Variants in ASTN2 observed in about 807,000 individuals in gnomAD.
The protein encoded by ASTN2 is astrotactin-2.
In ASTN2, 54 loss-of-function variants were observed where a neutral mutation model predicts 139.8. The observed-to-expected ratio is 0.39, with a 90% CI of 0.31 to 0.48. The LOEUF is 0.48. Ranked by LOEUF, ASTN2 falls within the 20% of genes least tolerant of loss-of-function variation. The pLI is 0.95. For synonymous variants in ASTN2, 756 were observed against 719.5 expected, an observed-to-expected ratio of 1.05 and a Z score of -0.81; for missense variants, 1,565 against 1,725.1, an observed-to-expected ratio of 0.91 and a Z score of 1.64.
intron 11 of ASTN2, among the ~76,000 whole-genome samples, chr9:116,844,675 T>C (rs976610801): frequency 1.4e-4 from 21 of 152,212 alleles, no homozygotes; most frequent in Admixed American, 1.2e-3. Flanking sequence ...ATCCTGATTG[T>C]TATAAAAGTT....
At chr9:117,268,527 G>A (rs535063875) in intron 2 of ASTN2, among the ~76,000 whole-genome samples, 8 of 152,268 alleles carry the variant, frequency 5.3e-5, no homozygotes, top group African/African-American at 1.9e-4. Context: ...TAAGGTCTGT[G>A]CTTCTGATAC....
chr9:116,493,121 C>T (rs1388949295), intron 19 of ASTN2, among the ~76,000 whole-genome samples: 2 of 152,092 alleles, frequency 1.3e-5, no homozygotes, highest in Non-Finnish European at 2.9e-5. Context: ...GAATGCTACA[C>T]CTTAATTCAA....
intron 2 of ASTN2, among the ~76,000 whole-genome samples, chr9:117,218,969 A>T (rs953026797): frequency 6.6e-6 from 1 of 152,186 alleles, no homozygotes; most frequent in African/African-American, 2.4e-5. Flanking sequence ...CACATGGTAA[A>T]CCAGTGATAG....
intron 11 of ASTN2, 102 bp downstream of exon 11, chr9:116,863,481 G>C: frequency 1.4e-6 from 2 of 1,468,214 alleles, no homozygotes; most frequent in Non-Finnish European, 1.8e-6. Flanking sequence ...GGGTAGTGTG[G>C]ATATGATCCT....
chr9:116,661,517 CT>C (rs1408397381), intron 16 of ASTN2, among the ~76,000 whole-genome samples: 1 of 151,966 alleles, frequency 6.6e-6, no homozygotes, highest in African/African-American at 2.4e-5. Flanking sequence ...CCTTGTGGTA[CT>C]CAAGTGTAGA....
At chr9:116,517,396 T>C (rs998715864) in intron 19 of ASTN2, among the ~76,000 whole-genome samples, 2 of 152,084 alleles carry the variant, frequency 1.3e-5, no homozygotes, top group Admixed American at 1.3e-4. Context: ...GCTAGACTCA[T>C]AAGAGCAAAA....
intron 20 of ASTN2, among the ~76,000 whole-genome samples, chr9:116,473,616 G>A (rs902063384): frequency 6.6e-6 from 1 of 152,196 alleles, no homozygotes; most frequent in Non-Finnish European, 1.5e-5. Flanking sequence ...ACCTATTCAA[G>A]GCCAGGTGTG....
At chr9:116,440,257 G>C (rs1588059926) in intron 22 of ASTN2, among the ~76,000 whole-genome samples, 1 of 152,094 alleles carries the variant, frequency 6.6e-6, no homozygotes, top group South Asian at 2.1e-4. Flanking sequence ...CTGGATTATG[G>C]GTCATGGCCC....
chr9:116,477,229 C>G (rs1849009806), intron 20 of ASTN2, among the ~76,000 whole-genome samples: 1 of 152,152 alleles, frequency 6.6e-6, no homozygotes, highest in Non-Finnish European at 1.5e-5. Context: ...CTCTACGAGT[C>G]TCTCTTGGCT....
At chr9:116,526,677 T>C (rs1394075731) in intron 19 of ASTN2, among the ~76,000 whole-genome samples, 1 of 151,308 alleles carries the variant, frequency 6.6e-6, no homozygotes, top group African/African-American at 2.4e-5. Context: ...TCAGAAATAC[T>C]GCGAAAGTAA....
At position 116,729,036 on chromosome 9, in the gene ASTN2, C is replaced by T; in HGVS notation, c.2582G>A (p.Ser861Asn). The T allele has an allele frequency of 6.3e-7, 1 of 1,579,470 alleles. No homozygotes were observed. Among genetic ancestry groups the T allele is most frequent in the Non-Finnish European group, 8.6e-7 (1 of 1,161,522 alleles). ...GCTGAGCTTCACACGGTAGAGGTTG[C>T]TCCGGACCCGCCACTGCTGCACCAT... ...YPMVQQWRVR[S>N]NLYRVKLSTI... The change falls in exon 15 of 23, where the codon AGC (serine) becomes AAC (asparagine). Residue 861 changes from serine (S) to asparagine (N), a missense_variant. Ser to Asn is a conservative substitution (Grantham distance 46, BLOSUM62 1). This residue lies in a region of ASTN2 where 503 missense variants were observed against 591.7 expected (regional missense o/e 0.85). Coordinates refer to ENST00000313400, the MANE Select transcript of ASTN2 (RefSeq NM_001365068.1).
At chr9:116,816,595 G>T (rs1246553371) in intron 12 of ASTN2, among the ~76,000 whole-genome samples, 1 of 152,118 alleles carries the variant, frequency 6.6e-6, no homozygotes, top group Admixed American at 6.5e-5. Context: ...GCCAAGCAGT[G>T]GGAATGGCAA....
intron 3 of ASTN2, among the ~76,000 whole-genome samples, chr9:117,200,806 T>C (rs1831684916): frequency 6.6e-6 from 1 of 152,172 alleles, no homozygotes; most frequent in South Asian, 2.1e-4. Flanking sequence ...TCATCAGGGA[T>C]ATTGGCCTGA....
chr9:117,276,587 T>C (rs1834195256), intron 2 of ASTN2, among the ~76,000 whole-genome samples: 2 of 152,034 alleles, frequency 1.3e-5, no homozygotes, highest in African/African-American at 4.8e-5. Flanking sequence ...TCAGGACACA[T>C]AAGGACTGTA....
At chr9:116,817,581 A>G (rs922779891) in intron 12 of ASTN2, among the ~76,000 whole-genome samples, 2 of 152,178 alleles carry the variant, frequency 1.3e-5, no homozygotes, top group African/African-American at 4.8e-5. Context: ...ATGAAACTGG[A>G]AAAGTCAGAC....
intron 5 of ASTN2, among the ~76,000 whole-genome samples, chr9:117,065,449 G>A (rs1306271217): frequency 6.6e-6 from 1 of 152,040 alleles, no homozygotes; most frequent in African/African-American, 2.4e-5. Context: ...CTGAACCCAT[G>A]AGCTGGATTT....
intron 10 of ASTN2, among the ~76,000 whole-genome samples, chr9:116,905,731 G>T (rs973587092): frequency 1.3e-5 from 2 of 152,072 alleles, no homozygotes; most frequent in African/African-American, 4.8e-5. Context: ...TGGAAGGTGA[G>T]GCTCAAATTT....
chr9:116,443,085 G>C (rs1364012750), intron 20 of ASTN2, among the ~76,000 whole-genome samples: 1 of 152,206 alleles, frequency 6.6e-6, no homozygotes, highest in Non-Finnish European at 1.5e-5. Context: ...GGTTAAGTGT[G>C]AAAGAAAATA....
intron 18 of ASTN2, among the ~76,000 whole-genome samples, chr9:116,618,941 C>T (rs1340086571): frequency 6.6e-6 from 1 of 150,422 alleles, no homozygotes; most frequent in Non-Finnish European, 1.5e-5. Flanking sequence ...AATCTTTTTG[C>T]AAAGCAAGAA....
Sources: allele counts gnomAD v4.1 joint callset (sites outside exome capture counted in the v4.1 genomes callset), GRCh38; gene constraint gnomAD v4.1.1; regional missense constraint gnomAD v4.1.1; transcripts MANE v1.5; gene names NCBI Gene and HGNC (gene_info 2026-07-23, HGNC 2026-07-21).